IGSF9B: variants seen among roughly 807,000 people sequenced by gnomAD.
The protein encoded by IGSF9B is protein turtle homolog B.
In IGSF9B, 48 loss-of-function variants were observed where a neutral mutation model predicts 143.7. That is an observed-to-expected ratio of 0.33 (90% CI 0.26 to 0.42). IGSF9B has a LOEUF of 0.42. IGSF9B is among the 20% of genes least tolerant of loss of function. The pLI is 1.00. For missense variants in IGSF9B, 1,706 were observed against 1,980.0 expected (o/e 0.86, Z 2.63); for synonymous variants, 903 against 833.1 (o/e 1.08, Z -1.44).
At chr11:133,935,817 A>AGACAC in intron 6 of IGSF9B, 55 bp from the exon 7 acceptor site, 1 of 1,583,438 alleles carries the variant, frequency 6.3e-7, no homozygotes. Flanking sequence ...ATCTTGCCGC[A>AGACAC]GACACACAGT....
intron 16 of IGSF9B, 80 bp downstream of exon 16, chr11:133,922,489 G>T: frequency 1.4e-6 from 2 of 1,385,670 alleles, no homozygotes; most frequent in Non-Finnish European, 1.0e-6. Flanking sequence ...GGGGGGCCAT[G>T]CTAAAAATGG....
At position 133,931,605 on chromosome 11, in the gene IGSF9B, G is replaced by T. The variant is rs746259173; in HGVS notation, c.1252-36C>A. 4.3e-6 allele frequency: 7 copies of T among 1,609,548 alleles called. No individual in the cohort carries two copies. The highest frequency in any genetic ancestry group is 5.1e-6 in the Non-Finnish European group (6 of 1,177,044). ...AAGCACAGGCACCCTCGTGAGGCCG[G>T]GGATCCAGGTGCCCAGCTCATGGAG... On this transcript the variant is annotated intron_variant, in intron 9 of 19. Transcript: ENST00000533871. The surrounding 1 kb of genome is among the most constrained non-coding windows in gnomAD (Gnocchi z 7.7).
intron 3 of IGSF9B, among the ~76,000 whole-genome samples, chr11:133,938,903 T>C (rs1939873116): frequency 6.6e-6 from 1 of 152,052 alleles, no homozygotes; most frequent in African/African-American, 2.4e-5. Flanking sequence ...CCTCCAGAAA[T>C]GATGTGAGGA....
At chr11:133,935,907 T>C in intron 6 of IGSF9B, 145 bp from the exon 7 acceptor site, 1 of 1,385,656 alleles carries the variant, frequency 7.2e-7, no homozygotes, top group South Asian at 1.4e-5. Context: ...ACCCTGGCCT[T>C]GGCATGTGAG....
rs1310468446 is a variant in IGSF9B at position 133,902,170 on chromosome 11, AACAC to A, written c.*6895_*6898del. Among the ~76,000 whole-genome samples the A allele has an allele frequency of 1.4e-5, 2 of 141,494 alleles. No homozygotes were observed. Among genetic ancestry groups the A allele is most frequent in the Admixed American group, 7.0e-5 (1 of 14,274 alleles). The allele number at this position is 141,494 out of a possible 152,430, so 92.8% of individuals were successfully genotyped here. A position where few individuals can be genotyped will look rare whatever the true frequency, so the allele number is the denominator to read the frequency against. On this transcript the variant is annotated 3_prime_UTR_variant, in exon 20 of 20. Transcript: ENST00000533871. Reference sequence around the variant, plus strand: ...CACACCAGACACACCACACACACCAAACACACACACACCAAACACACCAGACACA... The same window carrying A: ...CACACCAGACACACCACACACACCAAACACACACCAAACACACCAGACACA...
At chr11:133,919,621 C>T (rs1468417773) in intron 18 of IGSF9B, 121 bp downstream of exon 18, 4 of 655,562 alleles carry the variant, frequency 6.1e-6, no homozygotes, top group East Asian at 6.6e-5. Flanking sequence ...CGAGGGACGC[C>T]GGTGCGGCAT....
In IGSF9B at chr11:133,921,055, G is replaced by A. The variant is rs776940731; in HGVS notation, c.2670C>T (p.Arg890=). ...GGTCCTCGTTCTCCTCGTCCGACTG[G>A]CGGAACTCGGGGTACATGTCCGTCT... ...AEETDMYPEF[R]QSDEENEDPL... Residue 890 remains arginine (R), a synonymous_variant, in exon 18 of 20, where the codon CGC becomes CGT. Transcript: ENST00000533871. The A allele has an allele frequency of 2.5e-6, 4 of 1,613,768 alleles. No individual in the cohort carries two copies. In the African/African-American group the frequency reaches 5.3e-5, roughly 22 times the overall value.
In IGSF9B at chr11:133,899,192, T is replaced by C. The variant is rs1364312800; in HGVS notation, c.*9877A>G. On this transcript the variant is annotated 3_prime_UTR_variant, in exon 20 of 20. Coordinates refer to ENST00000533871, the MANE Select transcript of IGSF9B (RefSeq NM_001277285.4). ...GGGACCAAGGAACGTGTCCCAAGCA[T>C]GGGGAAGAGCTCAGGCTCCTGGCAG... The C allele has an allele frequency of 1.3e-5, 2 of 152,236 alleles. No homozygotes were observed. The highest frequency in any genetic ancestry group is 1.5e-5 in the Non-Finnish European group (1 of 68,040). 9.4% of individuals were successfully genotyped at this position (152,236 alleles called of 1,614,324 possible).
At chr11:133,954,084 G>A (rs1270153272) in intron 1 of IGSF9B, among the ~76,000 whole-genome samples, 1 of 152,158 alleles carries the variant, frequency 6.6e-6, no homozygotes, top group Non-Finnish European at 1.5e-5. Flanking sequence ...CCCTCCTGCT[G>A]AGGGACTGCC....
Position 133,920,119 on chromosome 11 carries a change from T to A in IGSF9B, c.3606A>T (p.Ser1202=). The A allele has an allele frequency of 6.6e-7, 1 of 1,509,318 alleles. No homozygotes were observed. Among genetic ancestry groups the A allele is most frequent in the Non-Finnish European group, 8.9e-7 (1 of 1,128,598 alleles). The allele number at this position is 1,509,318 out of a possible 1,614,324, so 93.5% of individuals were successfully genotyped here. A position where few individuals can be genotyped will look rare whatever the true frequency, so the allele number is the denominator to read the frequency against. ...AGCTGAGGGGGCTTTGGGTCAGAGG[T>A]GAGAGCCGGGAGGGCTGTAGCACCA... ...HQVVLQPSRL[S]PLTQSPLSSR... The change falls in exon 18 of 20, where the codon TCA becomes TCT. Residue 1202 remains serine (S), a synonymous_variant. Coordinates refer to ENST00000533871, the MANE Select transcript of IGSF9B (RefSeq NM_001277285.4).
intron 18 of IGSF9B, among the ~76,000 whole-genome samples, chr11:133,918,340 G>GC (rs1403884961): frequency 6.6e-6 from 1 of 152,054 alleles, no homozygotes; most frequent in Admixed American, 6.5e-5. Context: ...ACCAACACCG[G>GC]CCGGGGGGCA....
chr11:133,934,626 G>A (rs913893921), intron 7 of IGSF9B, among the ~76,000 whole-genome samples: 7 of 152,304 alleles, frequency 4.6e-5, no homozygotes, highest in South Asian at 2.1e-4. Context: ...TTAGGGGTCC[G>A]ATGGCGCTCA....
At chr11:133,947,995 G>A (rs77597368) in intron 1 of IGSF9B, among the ~76,000 whole-genome samples, 1,753 of 151,908 alleles carry the variant, frequency 0.012, 20 homozygotes, top group Non-Finnish European at 0.02. Flanking sequence ...CTCTTGCTCT[G>A]TGTGGGTGAC....
In IGSF9B at chr11:133,953,325, C is replaced by T. The variant is rs1219391679; in HGVS notation, c.64+3366G>A. On this transcript the variant is annotated intron_variant, in intron 1 of 19. Transcript: ENST00000533871. This position sits in a 1 kb window ranked among gnomAD's most constrained non-coding sequence, Gnocchi z 4.2. ...GCTGAAAGCTGATTGCCCTCTGCCCCTCAGCCAAGCCCTTCTCACATCCCC... is the reference window on the plus strand; with the variant it reads ...GCTGAAAGCTGATTGCCCTCTGCCCTTCAGCCAAGCCCTTCTCACATCCCC... 6.6e-6 allele frequency among the ~76,000 whole-genome samples: 1 copy of T among 152,216 alleles called. No individual in the cohort carries two copies. The highest frequency in any genetic ancestry group is 6.5e-5 in the Admixed American group (1 of 15,290).
intron 3 of IGSF9B, among the ~76,000 whole-genome samples, chr11:133,940,173 G>C (rs1226111708): frequency 8.8e-6 from 1 of 113,750 alleles, no homozygotes; most frequent in Non-Finnish European, 1.7e-5. Context: ...GCACGTCCTC[G>C]CACGCGTCAT....
At chr11:133,918,021 G>T (rs946625762) in intron 18 of IGSF9B, among the ~76,000 whole-genome samples, 1 of 144,156 alleles carries the variant, frequency 6.9e-6, no homozygotes, top group African/African-American at 2.5e-5. Flanking sequence ...GCCGCAGGGG[G>T]CTCTAGAGGG....
chr11:133,944,100 G>C lies in IGSF9B; in HGVS notation c.409+120C>G, dbSNP rs1190277275. 3.8e-5 allele frequency: 42 copies of C among 1,091,800 alleles called. No homozygotes were observed. In the Admixed American group the frequency reaches 1.2e-3, roughly 30 times the overall value. The allele number at this position is 1,091,800 out of a possible 1,614,324, so 67.6% of individuals were successfully genotyped here. On this transcript the variant is annotated intron_variant, in intron 3 of 19. Coordinates refer to ENST00000533871, the MANE Select transcript of IGSF9B (RefSeq NM_001277285.4). ...TCTCATGGGACCACAGCAACAAGGAGGGGGGCAGGGGGTGAGATGCAGTTG... is the reference window on the plus strand; with the variant it reads ...TCTCATGGGACCACAGCAACAAGGACGGGGGCAGGGGGTGAGATGCAGTTG...
rs1183746080 is a variant in IGSF9B, at chr11:133,906,055, G to A, written c.*3014C>T. On this transcript the variant is annotated 3_prime_UTR_variant, in exon 20 of 20. Transcript: ENST00000533871. ...GACACAGAAGCAGGTTTACATCTGA[G>A]TCGTGTCTACTGCAAGGCCGCCAGA... is the stretch of plus-strand genomic sequence containing the variant. 1.3e-5 allele frequency among the ~76,000 whole-genome samples: 2 copies of A among 152,236 alleles called. No individual in the cohort carries two copies. Among genetic ancestry groups the A allele is most frequent in the Non-Finnish European group, 2.9e-5 (2 of 68,044 alleles).
At chr11:133,918,533 G>A (rs924523735) in intron 18 of IGSF9B, among the ~76,000 whole-genome samples, 1 of 152,176 alleles carries the variant, frequency 6.6e-6, no homozygotes, top group Non-Finnish European at 1.5e-5. Context: ...CGCACAGGCG[G>A]CGGCTGCGGC....
Sources: gnomAD v4.1 joint callset for allele counts (sites outside exome capture counted in the v4.1 genomes callset) on GRCh38, gnomAD v4.1.1 for gene constraint, Gnocchi (gnomAD v3.1) non-coding constraint, MANE v1.5 for transcripts, NCBI Gene and HGNC (gene_info 2026-07-23, HGNC 2026-07-21) for gene names.